Variants in WDPCP observed in about 807,000 individuals in gnomAD.
The protein encoded by WDPCP is WD repeat containing planar cell polarity effector.
In WDPCP, 71 loss-of-function variants were observed where a neutral mutation model predicts 93.1. The ratio of observed to expected loss-of-function variants is 0.76; its 90% CI spans 0.63 to 0.93. The LOEUF (loss-of-function observed/expected upper bound fraction) is 0.93, where lower values mean the gene tolerates loss of function less well. Ranked by LOEUF, WDPCP falls within the 40% of genes least tolerant of loss-of-function variation. The pLI is 0.00. For synonymous variants in WDPCP, 315 were observed against 315.0 expected, an observed-to-expected ratio of 1.00 and a Z score of 0.00; for missense variants, 844 against 887.4, an observed-to-expected ratio of 0.95 and a Z score of 0.62.
chr2:63,776,673 A>G (rs187353158), intron 2 of WDPCP, among the ~76,000 whole-genome samples: 3 of 151,588 alleles, frequency 2.0e-5, no homozygotes, highest in African/African-American at 7.2e-5. Flanking sequence ...AAAAAAAAAA[A>G]AAAAAGATAT....
At chr2:63,176,960 T>A (rs564894468) in intron 14 of WDPCP, among the ~76,000 whole-genome samples, 38 of 152,344 alleles carry the variant, frequency 2.5e-4, no homozygotes, top group African/African-American at 8.9e-4. Flanking sequence ...AGGGTCCAAC[T>A]TGCTCTTTTG....
rs1344635029 is a variant in WDPCP, at chr2:63,437,521, AATG to A, written c.530_532del (p.Ser177del). On this transcript the variant is annotated inframe_deletion, in exon 8 of 18. Transcript: ENST00000272321. Reference sequence around the variant, plus strand: ...AAAACATAGTTTGTTTTGTGCCAAAAATGATAAGATGATAAAACTGTCTGTGAG... The same window carrying A: ...AAAACATAGTTTGTTTTGTGCCAAAAATAAGATGATAAAACTGTCTGTGAG... The A allele has an allele frequency of 6.3e-7, 1 of 1,596,966 alleles. No individual in the cohort carries two copies. The highest frequency in any genetic ancestry group is 8.5e-7 in the Non-Finnish European group (1 of 1,171,964).
At chr2:63,439,600 C>T (rs1157574667) in intron 7 of WDPCP, among the ~76,000 whole-genome samples, 157 bp downstream of exon 7, 2 of 152,046 alleles carry the variant, frequency 1.3e-5, no homozygotes, top group Admixed American at 6.6e-5. Context: ...TTAGTCGAAA[C>T]TTGTATTGGT....
At chr2:63,572,101 C>A (rs1707550490) in intron 1 of WDPCP, among the ~76,000 whole-genome samples, 1 of 152,152 alleles carries the variant, frequency 6.6e-6, no homozygotes, top group South Asian at 2.1e-4. Context: ...CCAAAGGAGG[C>A]AAGGAATGGC....
At chr2:63,774,208 T>TA (rs1196065089) in intron 2 of WDPCP, among the ~76,000 whole-genome samples, 2 of 152,194 alleles carry the variant, frequency 1.3e-5, no homozygotes, top group East Asian at 3.9e-4. Flanking sequence ...TCCAGGGCCA[T>TA]AAAATCTAAT....
chr2:63,243,973 T>G (rs1680068099), intron 14 of WDPCP, among the ~76,000 whole-genome samples: 1 of 152,014 alleles, frequency 6.6e-6, no homozygotes, highest in South Asian at 2.1e-4. Context: ...ATTGACCACA[T>G]GCTTGGCCAT....
chr2:63,300,010 A>T (rs1685200959), intron 13 of WDPCP, among the ~76,000 whole-genome samples: 1 of 152,070 alleles, frequency 6.6e-6, no homozygotes, highest in African/African-American at 2.4e-5. Context: ...TCAACTGGAA[A>T]GCCCTGGGAC....
At chr2:63,424,056 C>G (rs747182446) in intron 9 of WDPCP, among the ~76,000 whole-genome samples, 7 of 152,106 alleles carry the variant, frequency 4.6e-5, no homozygotes, top group Non-Finnish European at 7.4e-5. Context: ...AATCCTGGCC[C>G]TGAACAGCTC....
chr2:63,349,091 T>A (rs969555640), intron 12 of WDPCP, among the ~76,000 whole-genome samples: 1 of 152,162 alleles, frequency 6.6e-6, no homozygotes, highest in African/African-American at 2.4e-5. Context: ...GGATGAAAAT[T>A]TGTGATTAAT....
At chr2:63,558,927 T>C (rs1284803219) in intron 1 of WDPCP, among the ~76,000 whole-genome samples, 1 of 152,210 alleles carries the variant, frequency 6.6e-6, no homozygotes, top group African/African-American at 2.4e-5. Context: ...CCCTAACTCA[T>C]TTTATGATGC....
intron 2 of WDPCP, among the ~76,000 whole-genome samples, chr2:63,751,242 T>A (rs940138291): frequency 1.3e-5 from 2 of 152,198 alleles, no homozygotes. Flanking sequence ...ATTTTTAGTA[T>A]AAAATTTTAG....
chr2:63,800,696 T>C (rs1185944830), intron 2 of WDPCP, among the ~76,000 whole-genome samples: 2 of 152,298 alleles, frequency 1.3e-5, no homozygotes, highest in Admixed American at 1.3e-4. Context: ...TAACACTAAG[T>C]GCTTCTTGGA....
intron 12 of WDPCP, among the ~76,000 whole-genome samples, chr2:63,320,762 A>G (rs1428874043): frequency 2.8e-5 from 3 of 105,370 alleles, no homozygotes; most frequent in Non-Finnish European, 5.4e-5. Context: ...GAAGGAAAAG[A>G]GGAGTGAAGA....
chr2:63,607,217 T>C, intron 3 of WDPCP: 1 of 279,254 alleles, frequency 3.6e-6, no homozygotes. Flanking sequence ...ACTCTGTTTC[T>C]AGCTAATATT....
intron 1 of WDPCP, among the ~76,000 whole-genome samples, chr2:63,552,313 T>C (rs1033307158): frequency 1.3e-5 from 2 of 151,930 alleles, no homozygotes; most frequent in South Asian, 2.1e-4. Context: ...CAGAGATATA[T>C]ATACACCTAC....
At chr2:63,784,571 A>AGTGTGTGTGTGTGT (rs57680590) in intron 2 of WDPCP, among the ~76,000 whole-genome samples, 2 of 145,648 alleles carry the variant, frequency 1.4e-5, no homozygotes, top group African/African-American at 5.1e-5. Flanking sequence ...CTCTAGCTGG[A>AGTGTGTGTGTGTGT]GTGTGTGTGT....
chr2:63,435,247 T>G (rs1022512716), intron 8 of WDPCP, among the ~76,000 whole-genome samples: 2 of 152,178 alleles, frequency 1.3e-5, no homozygotes, highest in South Asian at 2.1e-4. Context: ...GGATGTTTAC[T>G]CTGCAATTTT....
intron 3 of WDPCP, chr2:63,605,856 G>C: frequency 1.8e-6 from 2 of 1,100,780 alleles, no homozygotes; most frequent in Non-Finnish European, 2.8e-6. Context: ...AGTAAGAAAG[G>C]GTCACCTGGT....
At chr2:63,430,264 A>G (rs561825126) in intron 9 of WDPCP, among the ~76,000 whole-genome samples, 2 of 152,212 alleles carry the variant, frequency 1.3e-5, no homozygotes, top group African/African-American at 4.8e-5. Flanking sequence ...AAAACTACCT[A>G]CTGGGTACTA....
Sources: allele counts gnomAD v4.1 joint callset (sites outside exome capture counted in the v4.1 genomes callset), GRCh38; gene constraint gnomAD v4.1.1; transcripts MANE v1.5; gene names NCBI Gene and HGNC (gene_info 2026-07-23, HGNC 2026-07-21).